Variants in CACHD1 observed in about 807,000 individuals in gnomAD.
CACHD1 encodes VWFA and cache domain-containing protein 1.
Under a neutral mutation model 138.7 loss-of-function variants are expected in CACHD1, and 71 were observed. The ratio of observed to expected loss-of-function variants is 0.51; its 90% CI spans 0.42 to 0.62. The LOEUF (loss-of-function observed/expected upper bound fraction) is 0.62. CACHD1 is among the 20% of genes least tolerant of loss of function. The probability of loss-of-function intolerance (pLI) is 0.00; values close to 1 mark genes in which losing one functional copy is unlikely to be tolerated. For synonymous variants in CACHD1, 578 were observed against 591.5 expected (o/e 0.98, Z 0.33); for missense variants, 1,389 against 1,625.3 (o/e 0.85, Z 2.50).
chr1:64,499,625 A>T (rs1646326255), intron 1 of CACHD1, among the ~76,000 whole-genome samples: 1 of 152,252 alleles, frequency 6.6e-6, no homozygotes, highest in African/African-American at 2.4e-5. Flanking sequence ...TTTCCATTAC[A>T]TTGCAGACAA....
chr1:64,477,584 G>GATGATT (rs1553125568), intron 1 of CACHD1, among the ~76,000 whole-genome samples: 21 of 136,158 alleles, frequency 1.5e-4, no homozygotes, highest in Admixed American at 3.7e-4. Context: ...CTTCCCCCCA[G>GATGATT]ATTATTATTA....
At position 64,576,513 on chromosome 1, in the gene CACHD1, G is replaced by A. The variant is rs1268944862; in HGVS notation, c.262-5643G>A. Reference sequence around the variant, plus strand: ...AGGGAAGAAAAAAAAAAAAAGACGCGATAGTGGAGCACAAGATGAGGTTTC... The same window carrying A: ...AGGGAAGAAAAAAAAAAAAAGACGCAATAGTGGAGCACAAGATGAGGTTTC... On this transcript the variant is annotated intron_variant, in intron 2 of 26. Transcript: ENST00000651257. Among the ~76,000 whole-genome samples the A allele has an allele frequency of 6.6e-5, 10 of 151,664 alleles. No homozygotes were observed. The East Asian group carries it at 1.3e-3, about 20-fold the overall frequency.
rs773474385 is a variant in CACHD1, at chr1:64,673,136, G to A, written c.2511-22G>A. The A allele has an allele frequency of 1.5e-5, 23 of 1,535,138 alleles. No homozygotes were observed. In the African/African-American group the frequency reaches 2.9e-4, roughly 19 times the overall value. On this transcript the variant is annotated intron_variant, in intron 17 of 26. Transcript: ENST00000651257. ...AAAAAAACAGCTGATATGAATGAGG[G>A]GCATAACTTGTTTTGGTACAGGTGC...
chr1:64,596,271 TGG>T (rs1647150628), intron 3 of CACHD1, among the ~76,000 whole-genome samples: 1 of 152,234 alleles, frequency 6.6e-6, no homozygotes, highest in African/African-American at 2.4e-5. Context: ...TTTATTCTCA[TGG>T]GTGGTTAAGT....
chr1:64,545,715 A>G (rs1477440962), intron 1 of CACHD1, among the ~76,000 whole-genome samples: 1 of 152,180 alleles, frequency 6.6e-6, no homozygotes, highest in Non-Finnish European at 1.5e-5. Flanking sequence ...TGTGTCTGCA[A>G]GGTGTATACC....
intron 15 of CACHD1, among the ~76,000 whole-genome samples, chr1:64,664,919 A>G (rs892883662): frequency 2.0e-5 from 3 of 152,092 alleles, no homozygotes; most frequent in Admixed American, 6.5e-5. Context: ...ATGCTTGGCA[A>G]TTTTAATTCC....
At chr1:64,605,741 G>A (rs1451160756) in intron 4 of CACHD1, among the ~76,000 whole-genome samples, 3 of 152,152 alleles carry the variant, frequency 2.0e-5, no homozygotes, top group African/African-American at 7.2e-5. Context: ...GGAGGCTGTG[G>A]CAGCCAGGGC....
intron 4 of CACHD1, among the ~76,000 whole-genome samples, chr1:64,624,703 A>G (rs1648036879): frequency 6.6e-6 from 1 of 152,174 alleles, no homozygotes; most frequent in East Asian, 1.9e-4. Context: ...CAGGCATGTC[A>G]AAAACAAGCT....
rs759393167 is a variant in CACHD1, at chr1:64,628,611, A to G, written c.518-744A>G. Among the ~76,000 whole-genome samples the G allele has an allele frequency of 1.8e-4, 27 of 152,174 alleles. 1 individual carries two copies. The highest frequency in any genetic ancestry group is 3.8e-4 in the Non-Finnish European group (26 of 68,038). ...GGTCAGTGGTAGGGATGCTGTGTAG[A>G]TGAAGGGAGGCAGTATAGCATGATG... is the stretch of plus-strand genomic sequence containing the variant. On this transcript the variant is annotated intron_variant, in intron 4 of 26. Coordinates refer to ENST00000651257, the MANE Select transcript of CACHD1 (RefSeq NM_020925.4).
At chr1:64,571,706 A>G (rs1021315556) in intron 2 of CACHD1, among the ~76,000 whole-genome samples, 2 of 152,124 alleles carry the variant, frequency 1.3e-5, no homozygotes, top group Non-Finnish European at 2.9e-5. Flanking sequence ...GAAGAACCCT[A>G]ACATGCTGTG....
intron 25 of CACHD1, 107 bp downstream of exon 25, chr1:64,681,442 G>GTAAA: frequency 1.2e-6 from 1 of 829,078 alleles, no homozygotes; most frequent in Non-Finnish European, 1.9e-6. Flanking sequence ...AAGAAGCTTT[G>GTAAA]ACACGGTGGC....
chr1:64,494,030 G>C (rs748864879), intron 1 of CACHD1, among the ~76,000 whole-genome samples: 6 of 152,190 alleles, frequency 3.9e-5, no homozygotes, highest in African/African-American at 1.4e-4. Context: ...GGGAGGGAGC[G>C]GTGGGACAAG....
intron 4 of CACHD1, among the ~76,000 whole-genome samples, chr1:64,626,953 T>C (rs1053552954): frequency 6.6e-6 from 1 of 152,108 alleles, no homozygotes; most frequent in Non-Finnish European, 1.5e-5. Context: ...ATTTTTTTTT[T>C]CTCCTTACCT....
At position 64,647,961 on chromosome 1, in the gene CACHD1, C is replaced by G. The variant is rs1316335578; in HGVS notation, c.1317C>G (p.Phe439Leu). The stretch of plus-strand genomic sequence containing the variant: ...ACCTGGAGACCACAGTGGGCAGGTT[C>G]TACACAAACCTTCCCAACCGGATGA... The part of the protein sequence containing the change: ...LSNLETTVGR[F>L]YTNLPNRMID... Residue 439 changes from phenylalanine (F) to leucine (L), a missense_variant, in exon 9 of 27, where the codon TTC becomes TTG. Phe to Leu is a conservative substitution (Grantham distance 22). Around this residue, in one of 5 missense-constraint regions of CACHD1, gnomAD observed 1,000 missense variants for 1,114.7 expected, o/e 0.90. Coordinates refer to ENST00000651257, the MANE Select transcript of CACHD1 (RefSeq NM_020925.4). The G allele has an allele frequency of 6.2e-7, 1 of 1,613,948 alleles. No homozygotes were observed. Among genetic ancestry groups the G allele is most frequent in the Non-Finnish European group, 8.5e-7 (1 of 1,180,010 alleles).
chr1:64,592,398 G>A (rs967062189), intron 3 of CACHD1, among the ~76,000 whole-genome samples: 1 of 152,186 alleles, frequency 6.6e-6, no homozygotes, highest in African/African-American at 2.4e-5. Context: ...GACACATGTA[G>A]AGTAAGCTAA....
rs146452048 is a variant in CACHD1 at position 64,593,952 on chromosome 1, C to A, written c.411-8854C>A. Among the ~76,000 whole-genome samples the A allele has an allele frequency of 3.9e-3, 596 of 152,250 alleles. 4 individuals are homozygous for A. Among genetic ancestry groups the A allele is most frequent in the Non-Finnish European group, 6.4e-3 (438 of 68,024 alleles). On this transcript the variant is annotated intron_variant, in intron 3 of 26. Coordinates refer to ENST00000651257, the MANE Select transcript of CACHD1 (RefSeq NM_020925.4). ...TGTCTCTGCCCACCTCCCTCATCCC[C>A]ACTTTTACAGATTAGGAAATAGGCT... is the stretch of plus-strand genomic sequence containing the variant.
intron 16 of CACHD1, among the ~76,000 whole-genome samples, chr1:64,670,842 A>G (rs1301742733): frequency 1.3e-5 from 2 of 152,242 alleles, no homozygotes; most frequent in East Asian, 1.9e-4. Context: ...GTGAAACAGC[A>G]TTCCATAAGC....
chr1:64,565,938 G>T (rs761207613), intron 2 of CACHD1, among the ~76,000 whole-genome samples: 1 of 152,082 alleles, frequency 6.6e-6, no homozygotes, highest in Non-Finnish European at 1.5e-5. Context: ...TCAGCATTAC[G>T]TATTGAATGT....
At chr1:64,641,668 G>A (rs1047084869) in intron 7 of CACHD1, 152 bp from the exon 8 acceptor site, 2 of 517,722 alleles carry the variant, frequency 3.9e-6, no homozygotes, top group Non-Finnish European at 6.8e-6. Context: ...GAAGCAGGGG[G>A]ATGAAAGCCA....
Sources: allele counts gnomAD v4.1 joint callset (sites outside exome capture counted in the v4.1 genomes callset), GRCh38; gene constraint gnomAD v4.1.1; regional missense constraint gnomAD v4.1.1; transcripts MANE v1.5; gene names NCBI Gene and HGNC (gene_info 2026-07-23, HGNC 2026-07-21).